Variants in AP1S3 observed in about 807,000 individuals in gnomAD.
AP1S3 encodes the protein AP-1 complex subunit sigma-3.
Under a neutral mutation model 20.9 loss-of-function variants are expected in AP1S3, and 10 were observed. That is an observed-to-expected ratio of 0.48 (90% CI 0.29 to 0.81). The LOEUF (loss-of-function observed/expected upper bound fraction) is 0.81. Ranked by LOEUF, AP1S3 falls within the 30% of genes least tolerant of loss-of-function variation. The pLI, the probability that AP1S3 is intolerant of heterozygous loss-of-function variation, is 0.08. For synonymous variants in AP1S3, 41 were observed against 61.5 expected (o/e 0.67, Z 1.56); for missense variants, 154 against 183.8 (o/e 0.84, Z 0.94).
intron 1 of AP1S3, among the ~76,000 whole-genome samples, chr2:223,785,384 A>G (rs1453241429): frequency 6.6e-6 from 1 of 152,206 alleles, no homozygotes; most frequent in Non-Finnish European, 1.5e-5. Flanking sequence ...TTGTGTGTGT[A>G]GTATAAGAAA....
At chr2:223,829,629 C>T (rs1692212720) in intron 1 of AP1S3, among the ~76,000 whole-genome samples, 1 of 152,030 alleles carries the variant, frequency 6.6e-6, no homozygotes, top group Non-Finnish European at 1.5e-5. Flanking sequence ...CAAGATCACA[C>T]CATTGCACTC....
chr2:223,783,642 C>T (rs1691008040), intron 1 of AP1S3, among the ~76,000 whole-genome samples: 1 of 152,224 alleles, frequency 6.6e-6, no homozygotes, highest in Non-Finnish European at 1.5e-5. Context: ...TGAAGAGGAA[C>T]CCTGAAGGCT....
At chr2:223,780,294 TATATATATATATATAGAG>T (rs1171787488) in intron 1 of AP1S3, among the ~76,000 whole-genome samples, 1 of 47,076 alleles carries the variant, frequency 2.1e-5, no homozygotes, top group African/African-American at 1.0e-4. Flanking sequence ...TATATATATA[TATATATATATATATAGAG>T]AGAGAGAGAG....
At chr2:223,777,617 C>T in intron 2 of AP1S3, 74 bp downstream of exon 2, 1 of 1,319,918 alleles carries the variant, frequency 7.6e-7, no homozygotes, top group Non-Finnish European at 1.0e-6. Flanking sequence ...ATTGGTATAG[C>T]AATCTAAAAT....
chr2:223,765,160 C>CATCATA (rs746548908), intron 4 of AP1S3, 53 bp downstream of exon 4: 1 of 1,409,388 alleles, frequency 7.1e-7, no homozygotes, highest in South Asian at 1.2e-5. Context: ...TTATTAACAC[C>CATCATA]ATCATCATCA....
chr2:223,807,577 G>A (rs1691613885), intron 1 of AP1S3, among the ~76,000 whole-genome samples: 1 of 152,152 alleles, frequency 6.6e-6, no homozygotes. Context: ...TGAATCATGG[G>A]GGCTGAATTC....
chr2:223,802,702 C>A (rs1691497051), intron 1 of AP1S3, among the ~76,000 whole-genome samples: 1 of 152,134 alleles, frequency 6.6e-6, no homozygotes, highest in Admixed American at 6.6e-5. Context: ...TACTCTGAAA[C>A]ATGTTGGATC....
intron 1 of AP1S3, among the ~76,000 whole-genome samples, chr2:223,828,798 T>A (rs1490755791): frequency 6.6e-6 from 1 of 152,160 alleles, no homozygotes; most frequent in Non-Finnish European, 1.5e-5. Flanking sequence ...GCTGTCACTA[T>A]CTTGAAATTC....
Position 223,803,795 on chromosome 2 carries a change from G to A in AP1S3, c.4-25926C>T, listed in dbSNP as rs1691519041. On this transcript the variant is annotated intron_variant, in intron 1 of 4. Transcript: ENST00000396654. Reference sequence around the variant, plus strand: ...CTCGGGAGGCTGAGGCAGGAGAATGGTGTGAACCTGGGAGGCAGAGCTTGC... The same window carrying A: ...CTCGGGAGGCTGAGGCAGGAGAATGATGTGAACCTGGGAGGCAGAGCTTGC... Among the ~76,000 whole-genome samples, 3 of 151,636 alleles carry A rather than the reference G, an allele frequency of 2.0e-5. No individual in the cohort carries two copies. In the South Asian group the frequency reaches 6.2e-4, roughly 32 times the overall value.
chr2:223,758,150 A>C lies in AP1S3; in HGVS notation c.*565T>G. 1.0e-6 allele frequency: 1 copy of C among 981,826 alleles called. No homozygotes were observed. The highest frequency in any genetic ancestry group is 1.2e-6 in the Non-Finnish European group (1 of 826,280). The allele number at this position is 981,826 out of a possible 1,614,324, so 60.8% of individuals were successfully genotyped here. On this transcript the variant is annotated 3_prime_UTR_variant, in exon 5 of 5. Transcript: ENST00000396654. The stretch of plus-strand genomic sequence containing the variant: ...TTTTCATAATCCCAATTCTAAAAAA[A>C]ATAAATGAATTCAGCACATTAAAAT...
intron 1 of AP1S3, among the ~76,000 whole-genome samples, chr2:223,780,298 TATATATATATAGAGAG>T (rs1363328261): frequency 8.8e-4 from 47 of 53,496 alleles, no homozygotes; most frequent in South Asian, 1.8e-3. Flanking sequence ...TATATATATA[TATATATATATAGAGAG>T]AGAGAGAGAG....
At position 223,758,761 on chromosome 2, in the gene AP1S3, A is replaced by T. The variant is rs757952789; in HGVS notation, c.430-11T>A. ...GTATTCTTCCATTGTCTGAAAGCGA[A>T]CAATAAATTAGAACAATTTTCCCTT... On this transcript the variant is annotated splice_polypyrimidine_tract_variant and intron_variant, in intron 4 of 4. Transcript: ENST00000396654. The T allele has an allele frequency of 2.5e-6, 4 of 1,606,536 alleles. No homozygotes were observed. In the South Asian group the frequency reaches 4.5e-5, roughly 18 times the overall value.
At chr2:223,825,688 T>G (rs1021474932) in intron 1 of AP1S3, among the ~76,000 whole-genome samples, 3 of 41,816 alleles carry the variant, frequency 7.2e-5, no homozygotes, top group African/African-American at 1.7e-4. Context: ...ATTTGTGGGG[T>G]TTTTTTTCCT....
intron 1 of AP1S3, among the ~76,000 whole-genome samples, chr2:223,780,330 G>T (rs1267618798): frequency 1.9e-4 from 22 of 118,606 alleles, no homozygotes; most frequent in African/African-American, 4.0e-4. Context: ...GAGAGAGAGA[G>T]AGAGAGAGAG....
At chr2:223,777,656 A>C (rs762677815) in intron 2 of AP1S3, 35 bp downstream of exon 2, 1 of 1,588,690 alleles carries the variant, frequency 6.3e-7, no homozygotes, top group African/African-American at 1.3e-5. Context: ...CCAAAGTAAG[A>C]CTGAGAAATT....
In AP1S3 at chr2:223,826,647, G is replaced by A. The variant is rs189418607; in HGVS notation, c.3+10801C>T. Among the ~76,000 whole-genome samples the A allele has an allele frequency of 2.5e-3, 384 of 152,088 alleles. 1 individual carries two copies. Among genetic ancestry groups the A allele is most frequent in the African/African-American group, 8.5e-3 (351 of 41,516 alleles). ...TAGGACTCTATTCATATTTCATAGA[G>A]ATGCTTTTTTGTTTTTGTTTTTTTA... On this transcript the variant is annotated intron_variant, in intron 1 of 4. Coordinates refer to ENST00000396654, the MANE Select transcript of AP1S3 (RefSeq NM_001039569.2).
intron 1 of AP1S3, among the ~76,000 whole-genome samples, chr2:223,794,274 G>A (rs1284824735): frequency 2.6e-5 from 4 of 151,782 alleles, no homozygotes; most frequent in Non-Finnish European, 4.4e-5. Context: ...GAACACTAAC[G>A]CCTATAACTA....
rs1013824444 is a variant in AP1S3, at chr2:223,757,055, C to T, written c.*1660G>A. ...ACCCGCCTGGAGTGCACTGGTATGA[C>T]CTTGGCTCACTGCAACCTCTGCCTC... On this transcript the variant is annotated 3_prime_UTR_variant, in exon 5 of 5. Transcript: ENST00000396654. 6.4e-6 allele frequency: 6 copies of T among 939,946 alleles called. No homozygotes were observed. The highest frequency in any genetic ancestry group is 5.5e-4 in the Middle Eastern group (1 of 1,832). The allele number at this position is 939,946 out of a possible 1,614,324, so 58.2% of individuals were successfully genotyped here.
chr2:223,836,010 T>C (rs1692386546), intron 1 of AP1S3, among the ~76,000 whole-genome samples: 2 of 152,232 alleles, frequency 1.3e-5, no homozygotes, highest in South Asian at 4.1e-4. Context: ...ACGCTGTATT[T>C]ACAAGGAACC....
Sources: gnomAD v4.1 joint callset for allele counts (sites outside exome capture counted in the v4.1 genomes callset) on GRCh38, gnomAD v4.1.1 for gene constraint, MANE v1.5 for transcripts, NCBI Gene and HGNC (gene_info 2026-07-23, HGNC 2026-07-21) for gene names.